LOXL1: variants seen among roughly 807,000 people sequenced by gnomAD.
The protein encoded by LOXL1 is lysyl oxidase like 1.
LOXL1 carries 31 observed loss-of-function variants against 62.2 expected under a neutral mutation model. That is an observed-to-expected ratio of 0.50 (90% CI 0.37 to 0.67). The LOEUF (loss-of-function observed/expected upper bound fraction) is 0.67, where lower values mean the gene tolerates loss of function less well. LOXL1 is among the 30% of genes least tolerant of loss of function. LOXL1 has a pLI of 0.00. For missense variants in LOXL1, 775 were observed against 843.4 expected (o/e 0.92, Z 1.00); for synonymous variants, 403 against 384.4 (o/e 1.05, Z -0.56).
Position 73,949,508 on chromosome 15 carries a change from A to G in LOXL1, c.1652A>G (p.Asn551Ser), listed in dbSNP as rs2068769550. 6.2e-7 allele frequency: 1 copy of G among 1,613,854 alleles called. No homozygotes were observed. The highest frequency in any genetic ancestry group is 8.5e-7 in the Non-Finnish European group (1 of 1,179,880). ...GTTTTGGAGTCTGACTTCACCAACA[A>G]CGTGGTGAGATGCAACATTCACTAC... ...YIVLESDFTN[N>S]VVRCNIHYTG... The change falls in exon 6 of 7, where the codon AAC becomes AGC. Residue 551 changes from asparagine (N) to serine (S), a missense_variant. Transcript: ENST00000261921.
chr15:73,948,604 A>C (rs2068763392), intron 5 of LOXL1, among the ~76,000 whole-genome samples: 1 of 152,246 alleles, frequency 6.6e-6, no homozygotes, highest in Non-Finnish European at 1.5e-5. Flanking sequence ...CCAGGTTTGC[A>C]GGCGGAGGCC....
chr15:73,947,068 CA>C lies in LOXL1; in HGVS notation c.1352del (p.His451LeufsTer54). The C allele has an allele frequency of 6.2e-7, 1 of 1,600,828 alleles. No individual in the cohort carries two copies. The highest frequency in any genetic ancestry group is 1.7e-5 in the Admixed American group (1 of 59,388). On this transcript the variant is annotated frameshift_variant and splice_region_variant, in exon 4 of 7. Transcript: ENST00000261921. LOFTEE classifies it high-confidence loss of function. ...TCTCCTTCTCTCCTCTGCCCCTAGG[CA>C]TTACCACAGCATGGACGAGTTCAGC... ...HTWEWHSCHQ[H>X]YHSMDEFSHY... is the part of the protein sequence containing the mutation.
In LOXL1 at chr15:73,927,195, G is replaced by A; in HGVS notation, c.412G>A (p.Gly138Ser). 4 of 1,583,536 alleles carry A rather than the reference G, an allele frequency of 2.5e-6. No homozygotes were observed. The highest frequency in any genetic ancestry group is 2.4e-5 in the East Asian group (1 of 42,522). Residue 138 changes from glycine to serine, a missense_variant, in exon 1 of 7, where the codon GGC becomes AGC. By Grantham distance (56) the Gly-to-Ser change is moderately conservative. Transcript: ENST00000261921. ...CGAGGTGGCCGTCGGGGACAGCACG[G>A]GCATGGCCCGGGCCCGCACCTCCGT... ...WREVAVGDST[G>S]MARARTSVSQ... is the part of the protein sequence containing the mutation.
At chr15:73,946,665 A>C (rs1385442833) in intron 3 of LOXL1, 111 bp downstream of exon 3, 1 of 1,298,526 alleles carries the variant, frequency 7.7e-7, no homozygotes, top group African/African-American at 1.5e-5. Context: ...CAGATACTGG[A>C]TTAGAGGGCC....
intron 1 of LOXL1, among the ~76,000 whole-genome samples, chr15:73,931,062 T>C (rs1031518033): frequency 6.9e-6 from 1 of 144,902 alleles, no homozygotes; most frequent in African/African-American, 2.6e-5. Flanking sequence ...AGTTTCAGCT[T>C]GTCTGAGCTG....
Position 73,947,907 on chromosome 15 carries a change from G to C in LOXL1, c.1602+5G>C, listed in dbSNP as rs61618712. ...CCTGGGAACTACATCCTCAAGGTGG[G>C]CCTCTGGGTCTGGGGCTTTCCCTCC... On this transcript the variant is annotated splice_donor_5th_base_variant and intron_variant, in intron 5 of 6. Coordinates refer to ENST00000261921, the MANE Select transcript of LOXL1 (RefSeq NM_005576.4). The C allele has an allele frequency of 6.2e-7, 1 of 1,609,788 alleles. No individual in the cohort carries two copies. The highest frequency in any genetic ancestry group is 1.3e-5 in the African/African-American group (1 of 74,906).
Position 73,926,910 on chromosome 15 carries a change from A to C in LOXL1, c.127A>C (p.Ile43Leu). 6.4e-7 allele frequency: 1 copy of C among 1,569,626 alleles called. No homozygotes were observed. Among genetic ancestry groups the C allele is most frequent in the Non-Finnish European group, 8.6e-7 (1 of 1,158,562 alleles). Reference sequence around the variant, plus strand: ...GGACCCCGCCCGCTGGCGGCAGCTGATCCAGTGGGAGAACAACGGGCAGGT... The same window carrying C: ...GGACCCCGCCCGCTGGCGGCAGCTGCTCCAGTGGGAGAACAACGGGCAGGT... The part of the protein sequence containing the change: ...GSDPARWRQL[I>L]QWENNGQVYS... The change falls in exon 1 of 7, where the codon ATC becomes CTC. Residue 43 changes from isoleucine (I) to leucine (L), a missense_variant. By Grantham distance (5) the Ile-to-Leu change is conservative (BLOSUM62 2). Transcript: ENST00000261921.
chr15:73,930,835 G>A lies in LOXL1; in HGVS notation c.1102+2950G>A, dbSNP rs943039990. 5.9e-5 allele frequency among the ~76,000 whole-genome samples: 9 copies of A among 152,152 alleles called. No individual in the cohort carries two copies. Among genetic ancestry groups the A allele is most frequent in the African/African-American group, 9.7e-5 (4 of 41,428 alleles). ...CTCTCCAACTCTGAAACATGAAACTGAAAAGAAACTAGAGGAAACAGAGGC... is the reference window on the plus strand; with the variant it reads ...CTCTCCAACTCTGAAACATGAAACTAAAAAGAAACTAGAGGAAACAGAGGC... On this transcript the variant is annotated intron_variant, in intron 1 of 6. Transcript: ENST00000261921. The surrounding 1 kb of genome is among the most constrained non-coding windows in gnomAD (Gnocchi z 4.7).
intron 1 of LOXL1, among the ~76,000 whole-genome samples, chr15:73,931,668 G>A (rs2068636599): frequency 6.6e-6 from 1 of 152,130 alleles, no homozygotes; most frequent in Admixed American, 6.5e-5. Context: ...TGGACCCTCA[G>A]TCCCTGAGAG....
At chr15:73,941,141 C>A (rs1315072614) in intron 1 of LOXL1, among the ~76,000 whole-genome samples, 1 of 152,208 alleles carries the variant, frequency 6.6e-6, no homozygotes, top group Non-Finnish European at 1.5e-5. Context: ...AACCAGCTCC[C>A]AGCTGGCTTG....
chr15:73,939,352 G>A (rs1595846453), intron 1 of LOXL1, among the ~76,000 whole-genome samples: 1 of 152,238 alleles, frequency 6.6e-6, no homozygotes, highest in South Asian at 2.1e-4. Context: ...GGGGGGCCTG[G>A]CCTGAACTCC....
intron 5 of LOXL1, among the ~76,000 whole-genome samples, 165 bp from the exon 6 acceptor site, chr15:73,949,294 C>G (rs562207470): frequency 1.3e-5 from 2 of 152,306 alleles, no homozygotes; most frequent in African/African-American, 4.8e-5. Context: ...TTACCAGCTG[C>G]CTCTTCTTTC....
intron 1 of LOXL1, among the ~76,000 whole-genome samples, chr15:73,937,356 G>T (rs1475761968): frequency 6.6e-6 from 1 of 152,236 alleles, no homozygotes; most frequent in Non-Finnish European, 1.5e-5. Flanking sequence ...CTGTCCTGGA[G>T]GTTTGAAGGG....
intron 1 of LOXL1, among the ~76,000 whole-genome samples, chr15:73,936,653 A>G (rs2068675293): frequency 6.6e-6 from 1 of 152,232 alleles, no homozygotes; most frequent in African/African-American, 2.4e-5. Context: ...TTCCAGAGAC[A>G]AGGTTTACTG....
chr15:73,932,406 T>C (rs1221472590), intron 1 of LOXL1, among the ~76,000 whole-genome samples: 4 of 152,184 alleles, frequency 2.6e-5, no homozygotes, highest in Admixed American at 2.6e-4. Context: ...AAAAAAAATT[T>C]ATATATTATT....
In LOXL1 at chr15:73,943,727, C is replaced by A. The variant is rs75020936; in HGVS notation, c.1211+765C>A. Among the ~76,000 whole-genome samples, 8 of 152,342 alleles carry A rather than the reference C, an allele frequency of 5.3e-5. No individual in the cohort carries two copies. In the East Asian group the frequency reaches 1.5e-3, roughly 29 times the overall value. ...TAATTAGTTAAGATTATGTTATCTG[C>A]TTCTTTTGTTAATATCCCTTTATGT... is the stretch of plus-strand genomic sequence containing the variant. On this transcript the variant is annotated intron_variant, in intron 2 of 6. Coordinates refer to ENST00000261921, the MANE Select transcript of LOXL1 (RefSeq NM_005576.4).
At position 73,927,578 on chromosome 15, in the gene LOXL1, G is replaced by A. The variant is rs2068595289; in HGVS notation, c.795G>A (p.Pro265=). The A allele has an allele frequency of 2.7e-6, 4 of 1,500,500 alleles. No homozygotes were observed. The highest frequency in any genetic ancestry group is 2.1e-5 in the Admixed American group (1 of 46,782). The allele number at this position is 1,500,500 out of a possible 1,614,324, so 92.9% of individuals were successfully genotyped here. A position where few individuals can be genotyped will look rare whatever the true frequency, so the allele number is the denominator to read the frequency against. The change falls in exon 1 of 7, where the codon CCG becomes CCA. Residue 265 remains proline (P), a synonymous_variant. Coordinates refer to ENST00000261921, the MANE Select transcript of LOXL1 (RefSeq NM_005576.4). ...GGCCCTACGTGCCGCCGCCGCCGCCGCCCCCCGACGGCCTGGACCGCCGCT... is the reference window on the plus strand; with the variant it reads ...GGCCCTACGTGCCGCCGCCGCCGCCACCCCCCGACGGCCTGGACCGCCGCT... ...PERPYVPPPP[P]PPDGLDRRYS... is the part of the protein sequence containing the mutation.
intron 1 of LOXL1, 144 bp downstream of exon 1, chr15:73,928,029 C>A: frequency 1.5e-6 from 1 of 680,422 alleles, no homozygotes; most frequent in South Asian, 5.7e-5. Flanking sequence ...CCCGACTTCC[C>A]CCGACCCAGC....
rs3056338 is a variant in LOXL1 at position 73,935,934 on chromosome 15, GGTGT to G, written c.1103-6883_1103-6880del. Among the ~76,000 whole-genome samples the G allele has an allele frequency of 2.4e-3, 320 of 131,934 alleles. 1 individual carries two copies. Among genetic ancestry groups the G allele is most frequent in the African/African-American group, 6.9e-3 (240 of 34,612 alleles). The allele number at this position is 131,934 out of a possible 152,430, so 86.6% of individuals were successfully genotyped here. A position where few individuals can be genotyped will look rare whatever the true frequency, so the allele number is the denominator to read the frequency against. On this transcript the variant is annotated intron_variant, in intron 1 of 6. Transcript: ENST00000261921. ...TGTGTGCCTCTGCATAGGTAGAGCT[GGTGT>G]GTGTGTGTGTGTGTGTGTGTGTGTG...
Sources: gnomAD v4.1 joint callset for allele counts (sites outside exome capture counted in the v4.1 genomes callset) on GRCh38, gnomAD v4.1.1 for gene constraint, Gnocchi (gnomAD v3.1) non-coding constraint, MANE v1.5 for transcripts, NCBI Gene and HGNC (gene_info 2026-07-23, HGNC 2026-07-21) for gene names.